The following FAM149A variants were observed in gnomAD, a reference collection of about 807,000 sequenced individuals.
FAM149A encodes family with sequence similarity 149 member A.
In FAM149A, 71 loss-of-function variants were observed where a neutral mutation model predicts 78.2. The ratio of observed to expected loss-of-function variants is 0.91; its 90% CI spans 0.75 to 1.11. The LOEUF is 1.11. Among genes scored for constraint, FAM149A ranks in the 50% least tolerant of loss-of-function variants. FAM149A has a pLI of 0.00. For missense variants in FAM149A, 1,036 were observed against 971.0 expected, an observed-to-expected ratio of 1.07 and a Z score of -0.89; for synonymous variants, 446 against 410.5, an observed-to-expected ratio of 1.09 and a Z score of -1.04.
intron 12 of FAM149A, 27 bp from the exon 13 acceptor site, chr4:186,167,157 T>C (rs762024318): frequency 2.5e-6 from 4 of 1,606,384 alleles, no homozygotes; most frequent in Non-Finnish European, 3.4e-6. Context: ...ATGAAACTTG[T>C]CCCTGATTTT....
chr4:186,124,957 T>G (rs2099317677), intron 1 of FAM149A, among the ~76,000 whole-genome samples: 1 of 152,222 alleles, frequency 6.6e-6, no homozygotes, highest in African/African-American at 2.4e-5. Flanking sequence ...ATCGCCATTC[T>G]AACTGGTGTG....
chr4:186,163,342 A>AGT, intron 9 of FAM149A, 82 bp from the exon 10 acceptor site: 1 of 1,066,490 alleles, frequency 9.4e-7, no homozygotes. Flanking sequence ...TGTTCTAGGC[A>AGT]GTGCTCAACT....
At position 186,154,827 on chromosome 4, in the gene FAM149A, G is replaced by C. The variant is rs185014511; in HGVS notation, c.1229+189G>C. 4.7e-4 allele frequency: 461 copies of C among 985,412 alleles called. 3 individuals are homozygous for C. In the African/African-American group the frequency reaches 7.7e-3, roughly 16 times the overall value. The allele number at this position is 985,412 out of a possible 1,614,324, so 61.0% of individuals were successfully genotyped here. On this transcript the variant is annotated intron_variant, in intron 6 of 13. Transcript: ENST00000389354. ...CCAGCGGTGCACGTGCGGGAGCAGCGAAGAGGGTGTTCAGTGCCCTTGTAA... is the reference window on the plus strand; with the variant it reads ...CCAGCGGTGCACGTGCGGGAGCAGCCAAGAGGGTGTTCAGTGCCCTTGTAA...
chr4:186,145,003 G>A (rs1444749854), intron 1 of FAM149A: 2 of 981,364 alleles, frequency 2.0e-6, no homozygotes, highest in East Asian at 1.1e-4. Flanking sequence ...GCGCGTGACC[G>A]GCTGTCTGCG....
intron 1 of FAM149A, among the ~76,000 whole-genome samples, chr4:186,119,640 T>G (rs955491119): frequency 2.2e-4 from 34 of 152,214 alleles, no homozygotes; most frequent in African/African-American, 8.2e-4. Flanking sequence ...ATTGTGGAAC[T>G]TCTATATAAT....
intron 1 of FAM149A, among the ~76,000 whole-genome samples, chr4:186,129,808 A>C (rs1461106490): frequency 6.6e-6 from 1 of 152,242 alleles, no homozygotes. Context: ...TGTTAAAAAT[A>C]AATGTACACG....
In FAM149A at chr4:186,161,213, T is replaced by C. The variant is rs189604302; in HGVS notation, c.1576-1632T>C. 3.9e-5 allele frequency among the ~76,000 whole-genome samples: 6 copies of C among 152,196 alleles called. No individual in the cohort carries two copies. In the East Asian group the frequency reaches 9.7e-4, roughly 25 times the overall value. On this transcript the variant is annotated intron_variant, in intron 8 of 13. Transcript: ENST00000389354. Reference sequence around the variant, plus strand: ...AAAATATACTTTTCACAGAGTAGGGTAAGATATGAACCAAGCCCTAAATGA... The same window carrying C: ...AAAATATACTTTTCACAGAGTAGGGCAAGATATGAACCAAGCCCTAAATGA...
At chr4:186,143,267 C>T (rs1732675707) in intron 1 of FAM149A, among the ~76,000 whole-genome samples, 1 of 146,962 alleles carries the variant, frequency 6.8e-6, no homozygotes, top group Non-Finnish European at 1.5e-5. Context: ...ACTGCGGTTA[C>T]AGGTGGGAGC....
At chr4:186,138,838 T>C (rs556459874) in intron 1 of FAM149A, among the ~76,000 whole-genome samples, 1 of 152,188 alleles carries the variant, frequency 6.6e-6, no homozygotes, top group African/African-American at 2.4e-5. Context: ...CCGGGAGTGC[T>C]TGTCAGGCTG....
chr4:186,106,897 C>T (rs141373173), intron 1 of FAM149A, among the ~76,000 whole-genome samples: 4,060 of 152,132 alleles, frequency 0.027, 77 homozygotes, highest in South Asian at 0.044. Flanking sequence ...TTGCAGTGAG[C>T]CAAGATCGCA....
chr4:186,147,564 G>A (rs1354986463), intron 1 of FAM149A, among the ~76,000 whole-genome samples: 1 of 152,150 alleles, frequency 6.6e-6, no homozygotes, highest in East Asian at 1.9e-4. Flanking sequence ...TTATTATTCT[G>A]TAGATATGTA....
chr4:186,155,164 C>T lies in FAM149A; in HGVS notation c.1229+526C>T, dbSNP rs969393753. On this transcript the variant is annotated intron_variant, in intron 6 of 13. Coordinates refer to ENST00000389354, the MANE Select transcript of FAM149A (RefSeq NM_001367768.3). ...TTTTTTTTTAGTAGAGACGGGGTTT[C>T]ACCGTGTTAGCCAGGATGGTGTCGA... Among the ~76,000 whole-genome samples the T allele has an allele frequency of 6.6e-5, 10 of 152,244 alleles. 1 individual carries two copies. The South Asian group carries it at 1.7e-3, about 25-fold the overall frequency.
At chr4:186,108,065 C>T (rs185192697) in intron 1 of FAM149A, among the ~76,000 whole-genome samples, 70 of 152,246 alleles carry the variant, frequency 4.6e-4, no homozygotes, top group African/African-American at 1.7e-3. Context: ...TTTATAACAC[C>T]GAATAAACAA....
chr4:186,122,899 A>G, intron 1 of FAM149A: 1 of 267,440 alleles, frequency 3.7e-6, no homozygotes, highest in Non-Finnish European at 5.8e-6. Flanking sequence ...CAAATTTCAT[A>G]TTTCCACCTT....
chr4:186,151,029 C>T (rs1733537221), intron 3 of FAM149A: 1 of 985,156 alleles, frequency 1.0e-6, no homozygotes, highest in South Asian at 4.7e-5. Context: ...AAAAGTGGTT[C>T]CCCACTCCCA....
intron 13 of FAM149A, among the ~76,000 whole-genome samples, chr4:186,168,681 A>G (rs1421965117): frequency 2.0e-5 from 3 of 152,182 alleles, no homozygotes; most frequent in Non-Finnish European, 4.4e-5. Context: ...ACACGATTGT[A>G]GGTGCTTGGG....
chr4:186,128,923 TTC>T (rs931328438), intron 1 of FAM149A, among the ~76,000 whole-genome samples: 19 of 151,576 alleles, frequency 1.3e-4, no homozygotes, highest in South Asian at 4.2e-4. Context: ...TCTTATGTGT[TTC>T]TGTGTGTGTG....
intron 13 of FAM149A, among the ~76,000 whole-genome samples, chr4:186,168,938 G>C (rs1735299390): frequency 6.6e-6 from 1 of 152,172 alleles, no homozygotes; most frequent in Non-Finnish European, 1.5e-5. Context: ...CATCACAAGG[G>C]ATGTGAGAGA....
intron 1 of FAM149A, chr4:186,123,962 A>G (rs2099317153): frequency 2.0e-6 from 2 of 985,218 alleles, no homozygotes; most frequent in Non-Finnish European, 2.4e-6. Flanking sequence ...AAAATTTGCC[A>G]TCTTAACTAG....
Sources: gnomAD v4.1 joint callset for allele counts (sites outside exome capture counted in the v4.1 genomes callset) on GRCh38, gnomAD v4.1.1 for gene constraint, MANE v1.5 for transcripts, NCBI Gene and HGNC (gene_info 2026-07-23, HGNC 2026-07-21) for gene names.